The following TMEM150C variants were observed in gnomAD, a reference collection of about 807,000 sequenced individuals.
TMEM150C encodes transmembrane protein 150C, also known as tentonin 3.
TMEM150C carries 10 observed loss-of-function variants against 29.9 expected under a neutral mutation model. The observed-to-expected ratio is 0.33, with a 90% CI of 0.21 to 0.57. The LOEUF (loss-of-function observed/expected upper bound fraction) is 0.57, where lower values mean the gene tolerates loss of function less well. Ranked by LOEUF, TMEM150C falls within the 20% of genes least tolerant of loss-of-function variation. The pLI is 0.88. For synonymous variants in TMEM150C, 101 were observed against 112.5 expected, an observed-to-expected ratio of 0.90 and a Z score of 0.64; for missense variants, 251 against 303.6, an observed-to-expected ratio of 0.83 and a Z score of 1.29.
rs1300065634 is a variant in TMEM150C at position 82,494,615 on chromosome 4, T to C, written c.363+1453A>G. Among the ~76,000 whole-genome samples the C allele has an allele frequency of 2.0e-5, 3 of 152,154 alleles. 1 individual carries two copies. The highest frequency in any genetic ancestry group is 4.4e-5 in the Non-Finnish European group (3 of 68,018). On this transcript the variant is annotated intron_variant, in intron 6 of 7. Coordinates refer to ENST00000449862, the MANE Select transcript of TMEM150C (RefSeq NM_001080506.3). ...GTATAAACCACTTGGAAATCCTCTG[T>C]AGAAAATATACAGCTGTTCTAGTAG... is the stretch of plus-strand genomic sequence containing the variant.
chr4:82,542,069 A>G (rs1015299940), intron 1 of TMEM150C, among the ~76,000 whole-genome samples: 1 of 152,238 alleles, frequency 6.6e-6, no homozygotes, highest in Non-Finnish European at 1.5e-5. Context: ...TGGAAAGCTT[A>G]TAATAATTTT....
intron 1 of TMEM150C, among the ~76,000 whole-genome samples, chr4:82,555,564 T>TA (rs932214029): frequency 6.6e-6 from 1 of 152,224 alleles, no homozygotes; most frequent in African/African-American, 2.4e-5. Context: ...GGCCTCCTCT[T>TA]ACACAGAAAA....
At chr4:82,490,859 C>G in intron 6 of TMEM150C, 1 of 677,852 alleles carries the variant, frequency 1.5e-6, no homozygotes, top group South Asian at 1.4e-5. Context: ...TAGCCTTTGC[C>G]TTTTTGAGCT....
rs902920317 is a variant in TMEM150C, at chr4:82,485,598, C to G, written c.663G>C (p.Glu221Asp). 2 of 1,611,188 alleles carry G rather than the reference C, an allele frequency of 1.2e-6. No homozygotes were observed. The highest frequency in any genetic ancestry group is 4.5e-5 in the East Asian group (2 of 44,816). The change falls in exon 8 of 8, where the codon GAG (glutamate) becomes GAC (aspartate). Residue 221 changes from glutamate (E) to aspartate (D), a missense_variant. Physicochemically the swap from Glu to Asp is conservative, Grantham distance 45. Coordinates refer to ENST00000449862, the MANE Select transcript of TMEM150C (RefSeq NM_001080506.3). ...FAVEFRHYRY[E>D]IVCSEYQENF... ...TCTCCTGGTACTCAGAGCAAACAATCTCATAGCGGTAATGCCGGAACTCCA... is the reference window on the plus strand; with the variant it reads ...TCTCCTGGTACTCAGAGCAAACAATGTCATAGCGGTAATGCCGGAACTCCA...
rs574030765 is a variant in TMEM150C, at chr4:82,528,238, A to G, written c.-10-23571T>C. On this transcript the variant is annotated intron_variant, in intron 1 of 7. Transcript: ENST00000449862. ...CACTGATGCTGGGCCATGAAGAATG[A>G]GTCATTCACCAGTGCAGGGGCTCTC... Among the ~76,000 whole-genome samples, 6 of 152,372 alleles carry G rather than the reference A, an allele frequency of 3.9e-5. No individual in the cohort carries two copies. The East Asian group carries it at 1.2e-3, about 29-fold the overall frequency.
rs910319374 is a variant in TMEM150C, at chr4:82,510,149, C to T, written c.-10-5482G>A. Among the ~76,000 whole-genome samples, 6 of 151,916 alleles carry T rather than the reference C, an allele frequency of 3.9e-5. No homozygotes were observed. The South Asian group carries it at 6.2e-4, about 16-fold the overall frequency. ...AAAAAATTAGCCGGGCATGGTGGCA[C>T]GCGCCTGTAGTCCCAGCTACTTGGG... On this transcript the variant is annotated intron_variant, in intron 1 of 7. Coordinates refer to ENST00000449862, the MANE Select transcript of TMEM150C (RefSeq NM_001080506.3).
In TMEM150C at chr4:82,485,652, G is replaced by A. The variant is rs1418862808; in HGVS notation, c.609C>T (p.Cys203=). ...CAAAGGTGCCAAAATAAGACAGGAA[G>A]CACATGACCAGGCCCCACTGGACCC... ...AARVQWGLVM[C]FLSYFGTFAV... The change falls in exon 8 of 8, where the codon TGC becomes TGT. Residue 203 remains cysteine (C), a synonymous_variant. Coordinates refer to ENST00000449862, the MANE Select transcript of TMEM150C (RefSeq NM_001080506.3). The A allele has an allele frequency of 1.9e-6, 3 of 1,609,732 alleles. No individual in the cohort carries two copies. The highest frequency in any genetic ancestry group is 1.7e-6 in the Non-Finnish European group (2 of 1,178,046).
At chr4:82,546,377 C>T (rs111396168) in intron 1 of TMEM150C, among the ~76,000 whole-genome samples, 2 of 152,144 alleles carry the variant, frequency 1.3e-5, no homozygotes, top group African/African-American at 2.4e-5. Flanking sequence ...AGTACTGGTA[C>T]AAAAACAGAC....
chr4:82,495,747 C>T, intron 6 of TMEM150C: 1 of 350,982 alleles, frequency 2.8e-6, no homozygotes, highest in Non-Finnish European at 5.6e-6. Flanking sequence ...TGATTCGGAC[C>T]ACATAACCCT....
chr4:82,550,820 G>A (rs1315660250), intron 1 of TMEM150C, among the ~76,000 whole-genome samples: 2 of 151,780 alleles, frequency 1.3e-5, no homozygotes, highest in Non-Finnish European at 2.9e-5. Context: ...AGAAAGAAAG[G>A]AAGAGCTGGC....
intron 1 of TMEM150C, among the ~76,000 whole-genome samples, chr4:82,530,332 T>C (rs927297063): frequency 6.6e-6 from 1 of 151,140 alleles, no homozygotes; most frequent in Non-Finnish European, 1.5e-5. Context: ...CAGAGGCGGG[T>C]GGATCACGAG....
chr4:82,544,883 A>T (rs543268477), intron 1 of TMEM150C, among the ~76,000 whole-genome samples: 10 of 152,300 alleles, frequency 6.6e-5, no homozygotes, highest in East Asian at 3.9e-4. Context: ...GCAGTAATTT[A>T]AAAAAATCTA....
chr4:82,496,824 C>T (rs80301993), intron 5 of TMEM150C, among the ~76,000 whole-genome samples: 1 of 152,264 alleles, frequency 6.6e-6, no homozygotes, highest in East Asian at 1.9e-4. Flanking sequence ...CTCTCACTTC[C>T]CTTCGATTCT....
chr4:82,537,442 CT>C (rs1725047686), intron 1 of TMEM150C, among the ~76,000 whole-genome samples: 2 of 152,088 alleles, frequency 1.3e-5, no homozygotes, highest in South Asian at 4.2e-4. Context: ...TGAGCAGGTC[CT>C]TTTACACCCT....
chr4:82,492,868 A>G (rs1026656871), intron 6 of TMEM150C, among the ~76,000 whole-genome samples: 6,797 of 97,036 alleles, frequency 0.07, 374 homozygotes, highest in African/African-American at 0.2. Flanking sequence ...GTTTGTGTAT[A>G]TATATATATA....
At chr4:82,513,549 A>G (rs1340876212) in intron 1 of TMEM150C, among the ~76,000 whole-genome samples, 1 of 152,224 alleles carries the variant, frequency 6.6e-6, no homozygotes, top group Non-Finnish European at 1.5e-5. Context: ...GTGTGTGCCA[A>G]CAAAGTCTGT....
chr4:82,548,959 C>T (rs1725473871), intron 1 of TMEM150C, among the ~76,000 whole-genome samples: 1 of 152,166 alleles, frequency 6.6e-6, no homozygotes, highest in South Asian at 2.1e-4. Flanking sequence ...TGGGCAAGTG[C>T]CCCATCCTGG....
At chr4:82,536,974 A>G (rs1725026894) in intron 1 of TMEM150C, among the ~76,000 whole-genome samples, 1 of 152,136 alleles carries the variant, frequency 6.6e-6, no homozygotes, top group Non-Finnish European at 1.5e-5. Context: ...GTTCAACTTC[A>G]ACAATTATTA....
chr4:82,514,264 C>T (rs1040760669), intron 1 of TMEM150C, among the ~76,000 whole-genome samples: 40 of 152,334 alleles, frequency 2.6e-4, no homozygotes, highest in African/African-American at 8.9e-4. Flanking sequence ...TTGCTGTGGA[C>T]CAGGGGCTGC....
Sources: allele counts gnomAD v4.1 joint callset (sites outside exome capture counted in the v4.1 genomes callset), GRCh38; gene constraint gnomAD v4.1.1; transcripts MANE v1.5; gene names NCBI Gene and HGNC (gene_info 2026-07-23, HGNC 2026-07-21).